KCNIP4: variants seen among roughly 807,000 people sequenced by gnomAD.
The protein encoded by KCNIP4 is potassium voltage-gated channel interacting protein 4, also known as Kv channel-interacting protein 4.
KCNIP4 carries 12 observed loss-of-function variants against 34.0 expected under a neutral mutation model. The observed-to-expected ratio is 0.35, with a 90% CI of 0.23 to 0.57. The LOEUF (loss-of-function observed/expected upper bound fraction) is 0.57. Among genes scored for constraint, KCNIP4 ranks in the 20% least tolerant of loss-of-function variants. The pLI, the probability that KCNIP4 is intolerant of heterozygous loss-of-function variation, is 0.83. For synonymous variants in KCNIP4, 124 were observed against 102.2 expected (o/e 1.21, Z -1.29); for missense variants, 238 against 311.7 (o/e 0.76, Z 1.78).
chr4:21,764,113 A>T (rs1345552069), intron 1 of KCNIP4, among the ~76,000 whole-genome samples: 1 of 152,172 alleles, frequency 6.6e-6, no homozygotes, highest in East Asian at 1.9e-4. Flanking sequence ...AGCTTCAGAG[A>T]CCTGCAGAAA....
In KCNIP4 at chr4:21,198,967, G is replaced by A. The variant is rs113631674; in HGVS notation, c.62-316258C>T. 2.2e-3 allele frequency among the ~76,000 whole-genome samples: 337 copies of A among 152,266 alleles called. 2 individuals carry two copies. The highest frequency in any genetic ancestry group is 7.1e-3 in the African/African-American group (296 of 41,556). ...GTCCTTTCTCTGTGTGAGGAGTAAA[G>A]TACTGACACTGATCTGGCGCTGTCC... is the stretch of plus-strand genomic sequence containing the variant. On this transcript the variant is annotated intron_variant, in intron 1 of 8. Coordinates refer to ENST00000382152, the MANE Select transcript of KCNIP4 (RefSeq NM_025221.6).
intron 1 of KCNIP4, among the ~76,000 whole-genome samples, chr4:21,628,116 A>G (rs568548129): frequency 5.9e-5 from 9 of 152,248 alleles, no homozygotes; most frequent in Admixed American, 4.6e-4. Context: ...TGCTTACTTT[A>G]CCTCATTTCA....
intron 1 of KCNIP4, among the ~76,000 whole-genome samples, chr4:21,169,844 T>C (rs1753890328): frequency 6.6e-6 from 1 of 152,096 alleles, no homozygotes; most frequent in African/African-American, 2.4e-5. Context: ...CAATCTTTTG[T>C]GCAATCTCTA....
intron 1 of KCNIP4, among the ~76,000 whole-genome samples, chr4:21,073,555 C>T (rs981698378): frequency 4.6e-5 from 7 of 152,266 alleles, no homozygotes; most frequent in Middle Eastern, 3.4e-3. Context: ...ATGGGATTTT[C>T]GAAATATACA....
At chr4:21,084,730 A>G (rs574381543) in intron 1 of KCNIP4, among the ~76,000 whole-genome samples, 1 of 150,974 alleles carries the variant, frequency 6.6e-6, no homozygotes, top group East Asian at 1.9e-4. Context: ...TCCCATCCCT[A>G]TTTAGATCCT....
At chr4:20,813,690 T>G (rs1426233493) in intron 3 of KCNIP4, among the ~76,000 whole-genome samples, 3 of 152,134 alleles carry the variant, frequency 2.0e-5, no homozygotes, top group African/African-American at 7.2e-5. Flanking sequence ...ATGTCAAATA[T>G]AAGTGCGACA....
chr4:21,620,272 G>C (rs577252406), intron 1 of KCNIP4, among the ~76,000 whole-genome samples: 19 of 152,276 alleles, frequency 1.2e-4, no homozygotes, highest in Non-Finnish European at 1.3e-4. Context: ...AAAGGCCAAG[G>C]TGGGCAGATC....
rs1373342801 is a variant in KCNIP4, at chr4:20,730,046, A to C, written c.*36T>G. The C allele has an allele frequency of 6.3e-7, 1 of 1,594,244 alleles. No homozygotes were observed. The highest frequency in any genetic ancestry group is 1.4e-5 in the African/African-American group (1 of 73,980). On this transcript the variant is annotated 3_prime_UTR_variant, in exon 9 of 9. Transcript: ENST00000382152. Reference sequence around the variant, plus strand: ...AACTTTAAGGGTGGTAGAATAGTTCACATTTGTCTGTTGGATTCAGGATCT... The same window carrying C: ...AACTTTAAGGGTGGTAGAATAGTTCCCATTTGTCTGTTGGATTCAGGATCT...
In KCNIP4 at chr4:21,836,530, A is replaced by C. The variant is rs370543069; in HGVS notation, c.61+112041T>G. On this transcript the variant is annotated intron_variant, in intron 1 of 8. Coordinates refer to ENST00000382152, the MANE Select transcript of KCNIP4 (RefSeq NM_025221.6). ...TTCAATGTACATTTTCCAGAAAAAA[A>C]AATTGAAAAAAATCACAAAACATGG... is the stretch of plus-strand genomic sequence containing the variant. 4.3e-4 allele frequency among the ~76,000 whole-genome samples: 65 copies of C among 152,330 alleles called. 1 individual carries two copies. The South Asian group carries it at 0.011, about 26-fold the overall frequency.
At chr4:21,310,302 C>T (rs1030856142) in intron 1 of KCNIP4, among the ~76,000 whole-genome samples, 1 of 152,152 alleles carries the variant, frequency 6.6e-6, no homozygotes, top group Non-Finnish European at 1.5e-5. Flanking sequence ...TCCCAAAGTG[C>T]TGGGACTACA....
intron 1 of KCNIP4, among the ~76,000 whole-genome samples, chr4:21,312,518 A>T (rs912922941): frequency 2.6e-5 from 4 of 152,200 alleles, no homozygotes; most frequent in Non-Finnish European, 5.9e-5. Flanking sequence ...GCTCTTCAAA[A>T]CTAGCTGAGA....
At position 21,237,466 on chromosome 4, in the gene KCNIP4, C is replaced by G. The variant is rs1305369119; in HGVS notation, c.62-354757G>C. Among the ~76,000 whole-genome samples the G allele has an allele frequency of 2.6e-5, 4 of 152,046 alleles. No homozygotes were observed. In the East Asian group the frequency reaches 7.7e-4, roughly 29 times the overall value. On this transcript the variant is annotated intron_variant, in intron 1 of 8. Transcript: ENST00000382152. ...ATTTAATTCCTGGTCCTATCAAGCC[C>G]TCACACATTAAAAGTAGCTGCCTGT...
chr4:21,053,978 A>G (rs1052107813), intron 1 of KCNIP4, among the ~76,000 whole-genome samples: 5 of 152,230 alleles, frequency 3.3e-5, no homozygotes, highest in Admixed American at 3.3e-4. Context: ...TCATAATTCC[A>G]TCAAGTTATT....
chr4:20,758,018 G>A (rs891185921), intron 4 of KCNIP4, among the ~76,000 whole-genome samples: 2 of 152,076 alleles, frequency 1.3e-5, no homozygotes, highest in Non-Finnish European at 2.9e-5. Flanking sequence ...GCTACACTAG[G>A]TATAACATTC....
In KCNIP4 at chr4:21,212,915, C is replaced by T. The variant is rs558986149; in HGVS notation, c.62-330206G>A. 2.7e-3 allele frequency among the ~76,000 whole-genome samples: 410 copies of T among 150,704 alleles called. 1 individual carries two copies. Among genetic ancestry groups the T allele is most frequent in the African/African-American group, 7.4e-3 (306 of 41,428 alleles). ...TTGCTATGTGTAAGGCATAGATATG[C>T]ATATAGCACATAAACAAATATACAG... is the stretch of plus-strand genomic sequence containing the variant. On this transcript the variant is annotated intron_variant, in intron 1 of 8. Transcript: ENST00000382152.
intron 1 of KCNIP4, among the ~76,000 whole-genome samples, chr4:21,889,241 T>A (rs372291950): frequency 2.0e-5 from 3 of 152,232 alleles, no homozygotes; most frequent in South Asian, 4.1e-4. Flanking sequence ...CAAAAATTAT[T>A]TAAAATATTG....
chr4:21,637,951 T>A (rs970434583), intron 1 of KCNIP4, among the ~76,000 whole-genome samples: 1 of 152,130 alleles, frequency 6.6e-6, no homozygotes, highest in Non-Finnish European at 1.5e-5. Flanking sequence ...CCAATTTTAA[T>A]GTCCATGCTC....
At chr4:21,868,479 A>G (rs1318104948) in intron 1 of KCNIP4, among the ~76,000 whole-genome samples, 1 of 152,214 alleles carries the variant, frequency 6.6e-6, no homozygotes, top group African/African-American at 2.4e-5. Flanking sequence ...CTGCTATGAC[A>G]CCGTTTTCAA....
chr4:20,997,451 G>A (rs901522479), intron 1 of KCNIP4, among the ~76,000 whole-genome samples: 6 of 152,216 alleles, frequency 3.9e-5, no homozygotes, highest in African/African-American at 1.4e-4. Context: ...GGTGAAACAT[G>A]TTGGACGTAT....
Sources: allele counts gnomAD v4.1 joint callset (sites outside exome capture counted in the v4.1 genomes callset), GRCh38; gene constraint gnomAD v4.1.1; transcripts MANE v1.5; gene names NCBI Gene and HGNC (gene_info 2026-07-23, HGNC 2026-07-21).